Variants in CNTNAP4 observed in about 807,000 individuals in gnomAD.
CNTNAP4 encodes the protein contactin-associated protein-like 4.
Under a neutral mutation model 148.4 loss-of-function variants are expected in CNTNAP4, and 98 were observed. That is an observed-to-expected ratio of 0.66 (90% CI 0.56 to 0.78). The LOEUF is 0.78. Ranked by LOEUF, CNTNAP4 falls within the 30% of genes least tolerant of loss-of-function variation. The probability of loss-of-function intolerance (pLI) is 0.00; values close to 1 mark genes in which losing one functional copy is unlikely to be tolerated. For missense variants in CNTNAP4, 1,935 were observed against 1,565.6 expected (o/e 1.24, Z -3.98); for synonymous variants, 730 against 565.1 (o/e 1.29, Z -4.14).
intron 8 of CNTNAP4, among the ~76,000 whole-genome samples, chr16:76,454,879 G>T (rs1450350517): frequency 6.6e-6 from 1 of 152,108 alleles, no homozygotes; most frequent in Non-Finnish European, 1.5e-5. Flanking sequence ...AGCTACTGGA[G>T]ATATATTTTA....
At chr16:76,531,043 G>A in intron 17 of CNTNAP4, among the ~76,000 whole-genome samples, 1 of 152,148 alleles carries the variant, frequency 6.6e-6, no homozygotes. Flanking sequence ...TAGTGTCAAA[G>A]TCAGGCAGTG....
At chr16:76,364,410 A>T (rs2013853851) in intron 3 of CNTNAP4, among the ~76,000 whole-genome samples, 1 of 152,134 alleles carries the variant, frequency 6.6e-6, no homozygotes, top group Admixed American at 6.5e-5. Context: ...TTAACAGGGA[A>T]TTTAATTTGG....
At chr16:76,336,883 A>T (rs921958436) in intron 2 of CNTNAP4, among the ~76,000 whole-genome samples, 3 of 152,260 alleles carry the variant, frequency 2.0e-5, no homozygotes, top group African/African-American at 7.2e-5. Context: ...GGGCCACAGA[A>T]TTTCTGTTTT....
intron 3 of CNTNAP4, among the ~76,000 whole-genome samples, chr16:76,360,885 C>T (rs2013343309): frequency 6.9e-6 from 1 of 143,956 alleles, no homozygotes; most frequent in Non-Finnish European, 1.5e-5. Flanking sequence ...GGCACGATCT[C>T]GGCTCACTGC....
chr16:76,514,159 C>T (rs865998362), intron 15 of CNTNAP4, among the ~76,000 whole-genome samples: 3 of 152,160 alleles, frequency 2.0e-5, no homozygotes, highest in African/African-American at 4.8e-5. Context: ...GAGGCTCTCT[C>T]GTCTGATGCC....
intron 1 of CNTNAP4, among the ~76,000 whole-genome samples, chr16:76,286,780 A>T (rs554662669): frequency 6.6e-6 from 1 of 152,310 alleles, no homozygotes; most frequent in African/African-American, 2.4e-5. Context: ...TTTATGTCCA[A>T]GGCAGAAAGC....
chr16:76,456,512 G>A (rs191134255), intron 8 of CNTNAP4, among the ~76,000 whole-genome samples: 86 of 152,314 alleles, frequency 5.6e-4, no homozygotes, highest in African/African-American at 1.9e-3. Context: ...GCTTCTGTCT[G>A]TGTTTAGACA....
chr16:76,522,610 T>TTTCCTTCCTTCC (rs764499941), intron 17 of CNTNAP4, among the ~76,000 whole-genome samples: 1,425 of 59,648 alleles, frequency 0.024, 159 homozygotes, highest in South Asian at 0.07. Context: ...CTTTTCTTTA[T>TTTCCTTCCTTCC]TTCCTTCCTT....
In CNTNAP4 at chr16:76,500,955, T is replaced by C. The variant is rs1039219428; in HGVS notation, c.2365+2261T>C. ...TATTTGTTTACATTAACACCACGCC[T>C]TAAAATAAAATTTTATGCTAGGGGC... On this transcript the variant is annotated intron_variant, in intron 15 of 23. Transcript: ENST00000611870. 3.9e-5 allele frequency among the ~76,000 whole-genome samples: 6 copies of C among 152,256 alleles called. No homozygotes were observed. In the East Asian group the frequency reaches 7.7e-4, roughly 20 times the overall value.
intron 6 of CNTNAP4, among the ~76,000 whole-genome samples, chr16:76,449,178 T>G (rs781478173): frequency 1.9e-4 from 29 of 152,160 alleles, no homozygotes; most frequent in Non-Finnish European, 2.9e-4. Flanking sequence ...GATGATCTTT[T>G]TTACCTAAAA....
At chr16:76,428,012 A>T (rs1370942292) in intron 4 of CNTNAP4, among the ~76,000 whole-genome samples, 1 of 152,140 alleles carries the variant, frequency 6.6e-6, no homozygotes, top group African/African-American at 2.4e-5. Flanking sequence ...ACCAAAAAAT[A>T]TTTTTTCTTT....
At chr16:76,290,090 G>A (rs1263659572) in intron 1 of CNTNAP4, among the ~76,000 whole-genome samples, 3 of 152,116 alleles carry the variant, frequency 2.0e-5, no homozygotes, top group Non-Finnish European at 4.4e-5. Flanking sequence ...GGACTCCAAG[G>A]TGGTGAAGTG....
Position 76,508,982 on chromosome 16 carries a change from A to T in CNTNAP4, c.2365+10288A>T, listed in dbSNP as rs1483555639. ...TAGCCAGGATGGTCTCGATCTCCTG[A>T]CCTTGTGATCCACCCGCCTTGGCCT... On this transcript the variant is annotated intron_variant, in intron 15 of 23. Coordinates refer to ENST00000611870, the MANE Select transcript of CNTNAP4 (RefSeq NM_033401.5). Among the ~76,000 whole-genome samples the T allele has an allele frequency of 4.1e-4, 39 of 95,730 alleles. 6 individuals carry two copies. The highest frequency in any genetic ancestry group is 1.0e-3 in the African/African-American group (39 of 38,404). The allele number at this position is 95,730 out of a possible 152,430, so 62.8% of individuals were successfully genotyped here. A position where few individuals can be genotyped will look rare whatever the true frequency, so the allele number is the denominator to read the frequency against.
In CNTNAP4 at chr16:76,286,904, T is replaced by G. The variant is rs918551058; in HGVS notation, c.85+9157T>G. Among the ~76,000 whole-genome samples the G allele has an allele frequency of 8.3e-4, 127 of 152,318 alleles. 2 individuals are homozygous for G. The highest frequency in any genetic ancestry group is 2.9e-3 in the African/African-American group (120 of 41,596). On this transcript the variant is annotated intron_variant, in intron 1 of 23. Coordinates refer to ENST00000611870, the MANE Select transcript of CNTNAP4 (RefSeq NM_033401.5). The stretch of plus-strand genomic sequence containing the variant: ...AGAACATTGCTAAAATAAAAGCAAT[T>G]CTATCTAAATTGGTGATGAGGGAAT...
At position 76,449,797 on chromosome 16, in the gene CNTNAP4, A is replaced by G. The variant is rs35988001; in HGVS notation, c.1010A>G (p.Tyr337Cys). 128 of 1,603,074 alleles carry G rather than the reference A, an allele frequency of 8.0e-5. No individual in the cohort carries two copies. The highest frequency in any genetic ancestry group is 5.0e-4 in the Middle Eastern group (3 of 6,046). ...TTTCATGGATGTTTAGAAAATCTCT[A>G]TTATAATGGAGTGGATATCATTGAT... ...RNFHGCLENLYYNGVDIIDLA... is the reference protein window; with the variant it reads ...RNFHGCLENLCYNGVDIIDLA... Residue 337 changes from tyrosine to cysteine, a missense_variant, in exon 7 of 24, where the codon TAT becomes TGT. By Grantham distance (194) the Tyr-to-Cys change is radical (BLOSUM62 -2). Transcript: ENST00000611870.
intron 12 of CNTNAP4, among the ~76,000 whole-genome samples, chr16:76,480,984 G>C (rs2081805812): frequency 1.3e-5 from 2 of 152,104 alleles, no homozygotes; most frequent in African/African-American, 4.8e-5. Flanking sequence ...CAGCTCTACT[G>C]GATATAGGCA....
intron 1 of CNTNAP4, among the ~76,000 whole-genome samples, chr16:76,314,112 A>G (rs908344231): frequency 2.0e-5 from 3 of 151,514 alleles, no homozygotes; most frequent in African/African-American, 4.9e-5. Context: ...AAAAGGGTAG[A>G]TAGACGATAA....
chr16:76,457,172 G>T (rs547773440), intron 8 of CNTNAP4, among the ~76,000 whole-genome samples: 8 of 152,252 alleles, frequency 5.3e-5, no homozygotes, highest in Admixed American at 5.2e-4. Context: ...ACAGTGGTGC[G>T]GCCCTTGAAA....
intron 1 of CNTNAP4, among the ~76,000 whole-genome samples, chr16:76,301,915 A>T (rs1264137574): frequency 6.6e-6 from 1 of 152,052 alleles, no homozygotes; most frequent in African/African-American, 2.4e-5. Flanking sequence ...TATGTACAGA[A>T]AACAGTGGCA....
Sources: allele counts gnomAD v4.1 joint callset (sites outside exome capture counted in the v4.1 genomes callset), GRCh38; gene constraint gnomAD v4.1.1; transcripts MANE v1.5; gene names NCBI Gene and HGNC (gene_info 2026-07-23, HGNC 2026-07-21).